TTF2: variants seen among roughly 807,000 people sequenced by gnomAD.
The protein encoded by TTF2 is transcription termination factor 2, also known as RNA polymerase II termination factor.
In TTF2, 108 loss-of-function variants were observed where a neutral mutation model predicts 142.4. That is an observed-to-expected ratio of 0.76 (90% CI 0.65 to 0.89). The LOEUF (loss-of-function observed/expected upper bound fraction) is 0.89. Among genes scored for constraint, TTF2 ranks in the 40% least tolerant of loss-of-function variants. The probability of loss-of-function intolerance (pLI) is 0.00; values close to 1 mark genes in which losing one functional copy is unlikely to be tolerated. For missense variants in TTF2, 1,327 were observed against 1,379.8 expected (o/e 0.96, Z 0.61); for synonymous variants, 483 against 506.2 (o/e 0.95, Z 0.61).
rs1165469405 is a variant in TTF2 at position 117,060,345 on chromosome 1, A to G, written c.-2A>G. The G allele has an allele frequency of 1.3e-6, 2 of 1,596,348 alleles. No individual in the cohort carries two copies. Among genetic ancestry groups the G allele is most frequent in the Non-Finnish European group, 1.7e-6 (2 of 1,171,590 alleles). On this transcript the variant is annotated 5_prime_UTR_variant, in exon 1 of 23. Coordinates refer to ENST00000369466, the MANE Select transcript of TTF2 (RefSeq NM_003594.4). ...TTTGTGGAACTTGGGGGACCCAGCG[A>G]AATGGAAGAAGTTAGGTGTCCAGAG...
chr1:117,067,202 C>G (rs978997863), intron 3 of TTF2, among the ~76,000 whole-genome samples: 4 of 152,054 alleles, frequency 2.6e-5, no homozygotes, highest in African/African-American at 9.7e-5. Flanking sequence ...AAATTCAGAG[C>G]ACTATTACTA....
intron 18 of TTF2, chr1:117,094,538 C>A: frequency 2.2e-6 from 1 of 462,602 alleles, no homozygotes; most frequent in Non-Finnish European, 4.4e-6. Context: ...GGAGCCTGTT[C>A]GGAAGCTTTA....
chr1:117,083,512 T>C (rs1647720074), intron 10 of TTF2, among the ~76,000 whole-genome samples: 1 of 152,158 alleles, frequency 6.6e-6, no homozygotes, highest in Non-Finnish European at 1.5e-5. Flanking sequence ...ATAACAATAC[T>C]CCATACGCCT....
At chr1:117,081,495 G>A (rs992694038) in intron 9 of TTF2, among the ~76,000 whole-genome samples, 21 of 152,180 alleles carry the variant, frequency 1.4e-4, no homozygotes, top group African/African-American at 5.1e-4. Flanking sequence ...GCTTTTGGAG[G>A]TAAGGGATCA....
At chr1:117,068,243 A>T (rs1205755360) in intron 3 of TTF2, among the ~76,000 whole-genome samples, 1 of 152,212 alleles carries the variant, frequency 6.6e-6, no homozygotes, top group African/African-American at 2.4e-5. Context: ...AACAAGTTTT[A>T]GTTCTTTAAA....
Position 117,090,885 on chromosome 1 carries a change from A to G in TTF2, c.2588+262A>G, listed in dbSNP as rs1296797488. Among the ~76,000 whole-genome samples, 1 of 152,092 alleles carries G rather than the reference A, an allele frequency of 6.6e-6. No homozygotes were observed. The highest frequency in any genetic ancestry group is 6.6e-5 in the Admixed American group (1 of 15,262). ...AGAAGTCATAGGGTGTGGTCACCAT[A>G]TACTGAATCTGTCTGGTCCTCATGG... is the stretch of plus-strand genomic sequence containing the variant. On this transcript the variant is annotated intron_variant, in intron 15 of 22. Coordinates refer to ENST00000369466, the MANE Select transcript of TTF2 (RefSeq NM_003594.4). The surrounding 1 kb of genome is among the most constrained non-coding windows in gnomAD (Gnocchi z 4.8).
intron 3 of TTF2, among the ~76,000 whole-genome samples, chr1:117,064,392 C>A (rs903265387): frequency 6.6e-6 from 1 of 152,148 alleles, no homozygotes; most frequent in African/African-American, 2.4e-5. Flanking sequence ...CTCAGCTACT[C>A]GGGAGGCTCA....
intron 10 of TTF2, 55 bp downstream of exon 10, chr1:117,082,002 A>C: frequency 6.2e-7 from 1 of 1,612,390 alleles, no homozygotes; most frequent in Middle Eastern, 1.7e-4. Flanking sequence ...GAGCCACCCA[A>C]GAGGGGAACG....
In TTF2 at chr1:117,063,058, C is replaced by T; in HGVS notation, c.218+585C>T. ...TTGATTTGTTAATAGTTTAACATAT[C>T]TTTAAACAGAGACTTTAGGCGATAA... On this transcript the variant is annotated intron_variant, in intron 3 of 22. Coordinates refer to ENST00000369466, the MANE Select transcript of TTF2 (RefSeq NM_003594.4). The surrounding 1 kb of genome is among the most constrained non-coding windows in gnomAD (Gnocchi z 4.1). Among the ~76,000 whole-genome samples the T allele has an allele frequency of 6.6e-6, 1 of 152,104 alleles. No homozygotes were observed. Among genetic ancestry groups the T allele is most frequent in the Non-Finnish European group, 1.5e-5 (1 of 68,024 alleles).
Position 117,095,302 on chromosome 1 carries a change from T to C in TTF2, c.2977-7T>C. ...AAACATACAATGTTGATGTAACCTT[T>C]TCCCAGATTTCATCTCTGTTGGCAG... On this transcript the variant is annotated splice_polypyrimidine_tract_variant and splice_region_variant and intron_variant, in intron 18 of 22. Transcript: ENST00000369466. The C allele has an allele frequency of 4.3e-6, 7 of 1,614,090 alleles. No homozygotes were observed. The highest frequency in any genetic ancestry group is 5.9e-6 in the Non-Finnish European group (7 of 1,179,932).
intron 3 of TTF2, among the ~76,000 whole-genome samples, chr1:117,071,190 A>T (rs1361013986): frequency 1.3e-5 from 2 of 152,166 alleles, no homozygotes; most frequent in African/African-American, 4.8e-5. Context: ...ACATGAAATG[A>T]CATATGCACA....
chr1:117,067,386 C>G (rs1471166326), intron 3 of TTF2, among the ~76,000 whole-genome samples: 1 of 151,790 alleles, frequency 6.6e-6, no homozygotes, highest in Admixed American at 6.6e-5. Context: ...AAAAAATAGC[C>G]GGGCATGGTG....
intron 3 of TTF2, among the ~76,000 whole-genome samples, chr1:117,069,506 C>CA (rs1384071711): frequency 6.6e-6 from 1 of 152,218 alleles, no homozygotes; most frequent in Non-Finnish European, 1.5e-5. Flanking sequence ...GCAGAGTGAT[C>CA]AGCCAGTGTG....
Position 117,101,675 on chromosome 1 carries a change from A to G in TTF2, c.*151A>G. ...CTTCCTCAAAATGAGGCATAATCTT[A>G]TCCCCAGAATTGAGGAGGGGTTGTG... is the stretch of plus-strand genomic sequence containing the variant. On this transcript the variant is annotated 3_prime_UTR_variant, in exon 23 of 23. Coordinates refer to ENST00000369466, the MANE Select transcript of TTF2 (RefSeq NM_003594.4). The surrounding 1 kb of genome is among the most constrained non-coding windows in gnomAD (Gnocchi z 5.9). The G allele has an allele frequency of 1.2e-6, 1 of 815,380 alleles. No individual in the cohort carries two copies. Among genetic ancestry groups the G allele is most frequent in the Non-Finnish European group, 1.7e-6 (1 of 573,702 alleles). The allele number at this position is 815,380 out of a possible 1,614,324, so 50.5% of individuals were successfully genotyped here.
At chr1:117,081,087 G>A (rs979490989) in intron 9 of TTF2, among the ~76,000 whole-genome samples, 1 of 152,198 alleles carries the variant, frequency 6.6e-6, no homozygotes, top group Non-Finnish European at 1.5e-5. Flanking sequence ...CCTTACATCC[G>A]AGTTTCCAGA....
In TTF2 at chr1:117,079,254, AAAAAT is replaced by A. The variant is rs1049344985; in HGVS notation, c.1702-309_1702-305del. Among the ~76,000 whole-genome samples the A allele has an allele frequency of 2.0e-5, 3 of 152,164 alleles. No homozygotes were observed. The highest frequency in any genetic ancestry group is 7.2e-5 in the African/African-American group (3 of 41,444). ...GGCTGTCTCAAAAAAATAAAAATAA[AAAAAT>A]AAAAGCTGTAGAGACTGATTTTGAC... On this transcript the variant is annotated intron_variant, in intron 8 of 22. Transcript: ENST00000369466. The surrounding 1 kb of genome is among the most constrained non-coding windows in gnomAD (Gnocchi z 4.2).
chr1:117,090,876 G>C lies in TTF2; in HGVS notation c.2588+253G>C, dbSNP rs1648519106. ...TCCTTGCATAGAAGTCATAGGGTGT[G>C]GTCACCATATACTGAATCTGTCTGG... On this transcript the variant is annotated intron_variant, in intron 15 of 22. Transcript: ENST00000369466. This position sits in a 1 kb window ranked among gnomAD's most constrained non-coding sequence, Gnocchi z 4.8. Among the ~76,000 whole-genome samples the C allele has an allele frequency of 6.6e-6, 1 of 151,898 alleles. No homozygotes were observed. Among genetic ancestry groups the C allele is most frequent in the Non-Finnish European group, 1.5e-5 (1 of 67,992 alleles).
In TTF2 at chr1:117,079,659, G is replaced by T; in HGVS notation, c.1783+10G>T. 1.2e-6 allele frequency: 2 copies of T among 1,613,750 alleles called. No individual in the cohort carries two copies. Among genetic ancestry groups the T allele is most frequent in the Non-Finnish European group, 1.7e-6 (2 of 1,179,620 alleles). ...CAAGGAGGAATTCTGGGTAAGTGTGGTATTATAAGAGTCAGCCTTTATTGA... is the reference window on the plus strand; with the variant it reads ...CAAGGAGGAATTCTGGGTAAGTGTGTTATTATAAGAGTCAGCCTTTATTGA... On this transcript the variant is annotated intron_variant, in intron 9 of 22. Coordinates refer to ENST00000369466, the MANE Select transcript of TTF2 (RefSeq NM_003594.4). The surrounding 1 kb of genome is among the most constrained non-coding windows in gnomAD (Gnocchi z 4.2).
intron 3 of TTF2, among the ~76,000 whole-genome samples, chr1:117,071,063 T>TA (rs1656533996): frequency 6.6e-6 from 1 of 152,090 alleles, no homozygotes; most frequent in Non-Finnish European, 1.5e-5. Context: ...TTTAATGAGT[T>TA]AGAAAGCAGC....
Sources: allele counts gnomAD v4.1 joint callset (sites outside exome capture counted in the v4.1 genomes callset), GRCh38; gene constraint gnomAD v4.1.1; non-coding constraint Gnocchi (gnomAD v3.1); transcripts MANE v1.5; gene names NCBI Gene and HGNC (gene_info 2026-07-23, HGNC 2026-07-21).